The following AFF3 variants were observed in gnomAD, a reference collection of about 807,000 sequenced individuals.
AFF3 encodes AF4/FMR2 family member 3.
A neutral mutation model predicts 129.7 loss-of-function variants in AFF3; 32 were observed. The observed-to-expected ratio is 0.25, with a 90% CI of 0.19 to 0.33. AFF3 has a LOEUF of 0.33. Among genes scored for constraint, AFF3 ranks in the 10% least tolerant of loss-of-function variants. AFF3 has a pLI of 1.00. For synonymous variants in AFF3, 644 were observed against 635.4 expected, an observed-to-expected ratio of 1.01 and a Z score of -0.20; for missense variants, 1,373 against 1,592.0, an observed-to-expected ratio of 0.86 and a Z score of 2.34.
Position 99,837,380 on chromosome 2 carries a change from C to T in AFF3, c.921+97G>A, listed in dbSNP as rs986810054. On this transcript the variant is annotated intron_variant, in intron 8 of 24. Coordinates refer to ENST00000672756, the MANE Select transcript of AFF3 (RefSeq NM_001386135.1). ...CTCAGAAAAGGTAAATGTCAAACCA[C>T]AGACTATGGGCTCCTTTATCATGGA... 22 of 1,196,260 alleles carry T rather than the reference C, an allele frequency of 1.8e-5. No homozygotes were observed. The Admixed American group carries it at 3.4e-4, about 19-fold the overall frequency. 74.1% of individuals were successfully genotyped at this position (1,196,260 alleles called of 1,614,324 possible).
chr2:99,689,538 T>C (rs777746737), intron 11 of AFF3, among the ~76,000 whole-genome samples: 2 of 151,868 alleles, frequency 1.3e-5, no homozygotes, highest in African/African-American at 2.4e-5. Flanking sequence ...ACTGGAATGA[T>C]TAGTCTTCAT....
At chr2:99,739,170 G>A (rs938056570) in intron 10 of AFF3, among the ~76,000 whole-genome samples, 10 of 151,908 alleles carry the variant, frequency 6.6e-5, no homozygotes, top group Non-Finnish European at 1.2e-4. Context: ...CAAGCAATTC[G>A]CACTTGTTCT....
At chr2:99,608,369 C>T (rs757770916) in intron 13 of AFF3, among the ~76,000 whole-genome samples, 36 of 152,184 alleles carry the variant, frequency 2.4e-4, no homozygotes, top group Non-Finnish European at 4.8e-4. Context: ...TAGCACACTG[C>T]CCACTTCTCT....
At chr2:99,648,785 G>C (rs1432698778) in intron 13 of AFF3, among the ~76,000 whole-genome samples, 1 of 151,806 alleles carries the variant, frequency 6.6e-6, no homozygotes, top group Non-Finnish European at 1.5e-5. Flanking sequence ...GTGGCTGCCA[G>C]CCAGTCAGCC....
At chr2:99,734,717 T>G (rs1464944169) in intron 10 of AFF3, among the ~76,000 whole-genome samples, 1 of 152,078 alleles carries the variant, frequency 6.6e-6, no homozygotes, top group Non-Finnish European at 1.5e-5. Flanking sequence ...AAGTACAGTT[T>G]CTTAATTATG....
chr2:99,957,971 C>T (rs756768394), intron 7 of AFF3, among the ~76,000 whole-genome samples: 22 of 152,204 alleles, frequency 1.4e-4, no homozygotes, highest in Non-Finnish European at 2.5e-4. Flanking sequence ...GTAATTAAAA[C>T]GGGATGGTTT....
At chr2:99,963,951 T>C (rs1559015520) in intron 7 of AFF3, among the ~76,000 whole-genome samples, 1 of 151,012 alleles carries the variant, frequency 6.6e-6, no homozygotes, top group African/African-American at 2.4e-5. Context: ...TACAAACAAA[T>C]AAAAAAAGGC....
intron 8 of AFF3, among the ~76,000 whole-genome samples, chr2:99,818,665 G>A (rs962256063): frequency 6.6e-6 from 1 of 152,180 alleles, no homozygotes; most frequent in African/African-American, 2.4e-5. Context: ...GTCAATAAAT[G>A]AGATAGCTGG....
intron 9 of AFF3, 150 bp from the exon 10 acceptor site, chr2:99,744,290 G>T: frequency 1.7e-6 from 1 of 604,354 alleles, no homozygotes; most frequent in Non-Finnish European, 2.9e-6. Flanking sequence ...TATACATGAA[G>T]GTGGACACAT....
intron 4 of AFF3, among the ~76,000 whole-genome samples, chr2:100,066,681 C>A (rs985898081): frequency 4.6e-5 from 7 of 152,116 alleles, no homozygotes; most frequent in African/African-American, 1.7e-4. Context: ...GATAATACAA[C>A]CTGAGTAGTG....
At chr2:99,730,649 G>T (rs1394947299) in intron 10 of AFF3, among the ~76,000 whole-genome samples, 2 of 151,720 alleles carry the variant, frequency 1.3e-5, no homozygotes, top group Non-Finnish European at 2.9e-5. Context: ...CGAGTAGCTG[G>T]GACTACAGGT....
chr2:99,798,727 C>T (rs759732797), intron 8 of AFF3, among the ~76,000 whole-genome samples: 24 of 151,916 alleles, frequency 1.6e-4, no homozygotes, highest in Admixed American at 2.6e-4. Flanking sequence ...CATTGTCTAA[C>T]GGACCAATCA....
chr2:100,050,406 T>A (rs1221771615), intron 4 of AFF3, among the ~76,000 whole-genome samples: 2 of 152,002 alleles, frequency 1.3e-5, no homozygotes, highest in African/African-American at 4.8e-5. Context: ...GAAGTCTTGA[T>A]CATAGCTCAC....
At chr2:99,755,300 C>G (rs868136936) in intron 8 of AFF3, among the ~76,000 whole-genome samples, 72 of 148,656 alleles carry the variant, frequency 4.8e-4, no homozygotes, top group Non-Finnish European at 9.3e-4. Flanking sequence ...TGGAGTTTTG[C>G]TCTTGTTGCC....
At chr2:99,917,627 G>T (rs562652968) in intron 7 of AFF3, among the ~76,000 whole-genome samples, 4 of 152,106 alleles carry the variant, frequency 2.6e-5, no homozygotes, top group Non-Finnish European at 4.4e-5. Context: ...ATTTAGTGAT[G>T]ATGTAATAGA....
intron 7 of AFF3, among the ~76,000 whole-genome samples, chr2:99,865,655 A>C (rs1691334808): frequency 6.6e-6 from 1 of 152,224 alleles, no homozygotes; most frequent in Non-Finnish European, 1.5e-5. Flanking sequence ...GCCATCAAAG[A>C]AGCAAGTTGA....
At chr2:99,890,312 C>T (rs1693452844) in intron 7 of AFF3, among the ~76,000 whole-genome samples, 1 of 152,182 alleles carries the variant, frequency 6.6e-6, no homozygotes, top group Admixed American at 6.5e-5. Flanking sequence ...CAGGCTCTGT[C>T]ATTAGGTGTA....
chr2:99,836,745 C>T (rs142316558), intron 8 of AFF3, among the ~76,000 whole-genome samples: 5 of 151,560 alleles, frequency 3.3e-5, no homozygotes, highest in East Asian at 3.9e-4. Flanking sequence ...TACCATCTGG[C>T]CTAATTTGTC....
rs551110990 is a variant in AFF3, at chr2:99,562,037, C to T, written c.3120-1601G>A. On this transcript the variant is annotated intron_variant, in intron 20 of 24. Coordinates refer to ENST00000672756, the MANE Select transcript of AFF3 (RefSeq NM_001386135.1). ...GGTTTCAGAGAAGCCTGCTGTCATT[C>T]GAATTGATTCTCCCCTGCAGATAAT... Among the ~76,000 whole-genome samples, 52 of 152,324 alleles carry T rather than the reference C, an allele frequency of 3.4e-4. 1 individual carries two copies. The South Asian group carries it at 5.8e-3, about 17-fold the overall frequency.
Sources: allele counts gnomAD v4.1 joint callset (sites outside exome capture counted in the v4.1 genomes callset), GRCh38; gene constraint gnomAD v4.1.1; transcripts MANE v1.5; gene names NCBI Gene and HGNC (gene_info 2026-07-23, HGNC 2026-07-21).